The following VAC14 variants were observed in gnomAD, a reference collection of about 807,000 sequenced individuals.
VAC14 encodes the protein VAC14 component of PIKFYVE complex, also known as protein VAC14 homolog.
Under a neutral mutation model 85.3 loss-of-function variants are expected in VAC14, and 47 were observed. That is an observed-to-expected ratio of 0.55 (90% CI 0.44 to 0.70). VAC14 has a LOEUF of 0.70. VAC14 is among the 30% of genes least tolerant of loss of function. The pLI is 0.00. For synonymous variants in VAC14, 447 were observed against 430.5 expected, an observed-to-expected ratio of 1.04 and a Z score of -0.47; for missense variants, 861 against 1,004.3, an observed-to-expected ratio of 0.86 and a Z score of 1.93.
intron 18 of VAC14, 141 bp downstream of exon 18, chr16:70,692,680 T>G: frequency 1.5e-5 from 17 of 1,114,308 alleles, no homozygotes; most frequent in Non-Finnish European, 1.9e-5. Flanking sequence ...GCGGGGGGGA[T>G]GGTGGTCACA....
chr16:70,789,783 A>C (rs184030906), intron 1 of VAC14, among the ~76,000 whole-genome samples: 139 of 152,298 alleles, frequency 9.1e-4, no homozygotes, highest in African/African-American at 2.4e-3. Flanking sequence ...TGTGGGATGC[A>C]CCTAGGCCCG....
In VAC14 at chr16:70,745,888, A is replaced by G. The variant is rs544725519; in HGVS notation, c.1372-1309T>C. Among the ~76,000 whole-genome samples, 8 of 152,350 alleles carry G rather than the reference A, an allele frequency of 5.3e-5. No individual in the cohort carries two copies. In the South Asian group the frequency reaches 1.7e-3, roughly 32 times the overall value. ...CCTGATGGGCAGGGCCATGTGGGCC[A>G]GGACCGGCCAGGTGGCTGGAATATG... On this transcript the variant is annotated intron_variant, in intron 12 of 18. Coordinates refer to ENST00000261776, the MANE Select transcript of VAC14 (RefSeq NM_018052.5).
At chr16:70,743,200 C>G (rs146952273) in intron 13 of VAC14, among the ~76,000 whole-genome samples, 1 of 152,078 alleles carries the variant, frequency 6.6e-6, no homozygotes, top group South Asian at 2.1e-4. Context: ...ATTGTAAACG[C>G]ACCAATCAGC....
At chr16:70,781,027 G>A in intron 8 of VAC14, 88 bp from the exon 9 acceptor site, 2 of 1,553,626 alleles carry the variant, frequency 1.3e-6, no homozygotes, top group East Asian at 4.7e-5. Context: ...AGTGTTGGAG[G>A]TGGGGCCTGG....
chr16:70,731,662 G>A (rs774577657), intron 13 of VAC14, 35 bp from the exon 14 acceptor site: 3 of 1,563,946 alleles, frequency 1.9e-6, no homozygotes, highest in Non-Finnish European at 2.6e-6. Flanking sequence ...CATTTATTCT[G>A]ATTATGTGTC....
chr16:70,758,136 C>A (rs2032019252), intron 12 of VAC14, among the ~76,000 whole-genome samples: 1 of 152,208 alleles, frequency 6.6e-6, no homozygotes, highest in Admixed American at 6.5e-5. Flanking sequence ...TGAAGGACAT[C>A]AAGATGGCTC....
At chr16:70,701,553 G>A (rs2053828957) in intron 14 of VAC14, among the ~76,000 whole-genome samples, 1 of 152,064 alleles carries the variant, frequency 6.6e-6, no homozygotes, top group Admixed American at 6.6e-5. Flanking sequence ...CCATGCCTAG[G>A]GGGCTGTCAG....
chr16:70,785,621 A>G, intron 3 of VAC14, 81 bp downstream of exon 3: 1 of 1,455,808 alleles, frequency 6.9e-7, no homozygotes. Flanking sequence ...CATCTGGGAA[A>G]AGGGGTCCAA....
intron 14 of VAC14, among the ~76,000 whole-genome samples, chr16:70,727,943 T>A (rs1429876085): frequency 6.6e-6 from 1 of 152,124 alleles, no homozygotes; most frequent in Non-Finnish European, 1.5e-5. Context: ...TCCGCCAGGA[T>A]GCACATTGAC....
rs552696093 is a variant in VAC14 at position 70,762,051 on chromosome 16, C to T, written c.1371+489G>A. 3.9e-5 allele frequency among the ~76,000 whole-genome samples: 6 copies of T among 152,276 alleles called. No individual in the cohort carries two copies. The East Asian group carries it at 9.7e-4, about 25-fold the overall frequency. ...GCTGCCTCCCTTACTGACACTCTGC[C>T]CCAGCTGCTCCAGAAGGGACTACAG... On this transcript the variant is annotated intron_variant, in intron 12 of 18. Transcript: ENST00000261776. The surrounding 1 kb of genome is among the most constrained non-coding windows in gnomAD (Gnocchi z 4.1).
intron 14 of VAC14, among the ~76,000 whole-genome samples, chr16:70,725,835 C>T (rs533868894): frequency 1.4e-3 from 207 of 152,294 alleles, no homozygotes; most frequent in African/African-American, 4.4e-3. Context: ...GGAGGTGGCT[C>T]GGACCTCATC....
chr16:70,736,823 C>T (rs558789031), intron 13 of VAC14, among the ~76,000 whole-genome samples: 1 of 150,614 alleles, frequency 6.6e-6, no homozygotes, highest in Admixed American at 6.6e-5. Flanking sequence ...GGAGGGGCTG[C>T]ATTGAGACCA....
At chr16:70,767,400 A>G (rs2032902475) in intron 10 of VAC14, among the ~76,000 whole-genome samples, 1 of 152,194 alleles carries the variant, frequency 6.6e-6, no homozygotes, top group Non-Finnish European at 1.5e-5. Context: ...TAAAATACAG[A>G]TAATTATAAA....
rs557898485 is a variant in VAC14 at position 70,720,832 on chromosome 16, G to C, written c.1661+10663C>G. 1.1e-3 allele frequency among the ~76,000 whole-genome samples: 175 copies of C among 152,332 alleles called. 4 individuals carry two copies. In the South Asian group the frequency reaches 0.034, roughly 29 times the overall value. On this transcript the variant is annotated intron_variant, in intron 14 of 18. Coordinates refer to ENST00000261776, the MANE Select transcript of VAC14 (RefSeq NM_018052.5). ...GAGCTCAAGACTGGGGCCGGGGCAGGTCACACCCCTTCTGAGGGAATAAAG... is the reference window on the plus strand; with the variant it reads ...GAGCTCAAGACTGGGGCCGGGGCAGCTCACACCCCTTCTGAGGGAATAAAG...
chr16:70,743,476 C>CT (rs1315035709), intron 13 of VAC14, among the ~76,000 whole-genome samples: 2 of 152,252 alleles, frequency 1.3e-5, no homozygotes, highest in South Asian at 2.1e-4. Context: ...GTCCGCACCA[C>CT]TTTAACAGCT....
At chr16:70,780,693 T>A in intron 9 of VAC14, 97 bp downstream of exon 9, 1 of 1,434,768 alleles carries the variant, frequency 7.0e-7, no homozygotes, top group Admixed American at 2.3e-5. Context: ...CATAAAGTAG[T>A]CCTGGTTGCT....
At chr16:70,795,536 G>T (rs1443157736) in intron 1 of VAC14, among the ~76,000 whole-genome samples, 1 of 147,930 alleles carries the variant, frequency 6.8e-6, no homozygotes, top group East Asian at 2.0e-4. Context: ...CCTCTGAAGC[G>T]ATACATGACT....
rs768413443 is a variant in VAC14, at chr16:70,784,250, G to A, written c.487-30C>T. The A allele has an allele frequency of 5.0e-6, 8 of 1,596,766 alleles. No individual in the cohort carries two copies. In the Admixed American group the frequency reaches 1.0e-4, roughly 20 times the overall value. ...GGATCAGAGGAAAGTGAGCTGCCGAGAGCCCGAGACCAGGGCTGCCTGACC... is the reference window on the plus strand; with the variant it reads ...GGATCAGAGGAAAGTGAGCTGCCGAAAGCCCGAGACCAGGGCTGCCTGACC... On this transcript the variant is annotated intron_variant, in intron 4 of 18. Transcript: ENST00000261776.
intron 10 of VAC14, 24 bp downstream of exon 10, chr16:70,772,085 T>G: frequency 6.2e-7 from 1 of 1,612,676 alleles, no homozygotes; most frequent in Non-Finnish European, 8.5e-7. Flanking sequence ...TCCACAAACC[T>G]TCTGGCTGAA....
Sources: gnomAD v4.1 joint callset for allele counts (sites outside exome capture counted in the v4.1 genomes callset) on GRCh38, gnomAD v4.1.1 for gene constraint, Gnocchi (gnomAD v3.1) non-coding constraint, MANE v1.5 for transcripts, NCBI Gene and HGNC (gene_info 2026-07-23, HGNC 2026-07-21) for gene names.